The following CDH9 variants were observed in gnomAD, a reference collection of about 807,000 sequenced individuals.
CDH9 encodes the protein cadherin-9.
CDH9 carries 28 observed loss-of-function variants against 70.9 expected under a neutral mutation model. That is an observed-to-expected ratio of 0.40 (90% CI 0.29 to 0.54). CDH9 has a LOEUF of 0.54. CDH9 is among the 20% of genes least tolerant of loss of function. The probability of loss-of-function intolerance (pLI) is 0.59; values close to 1 mark genes in which losing one functional copy is unlikely to be tolerated. For missense variants in CDH9, 874 were observed against 984.4 expected (o/e 0.89, Z 1.50); for synonymous variants, 409 against 343.1 (o/e 1.19, Z -2.12).
At chr5:26,987,684 T>C (rs1336355579) in intron 2 of CDH9, among the ~76,000 whole-genome samples, 2 of 152,062 alleles carry the variant, frequency 1.3e-5, no homozygotes, top group East Asian at 3.9e-4. Flanking sequence ...CACTTTTGTC[T>C]AGATTACAAG....
intron 3 of CDH9, among the ~76,000 whole-genome samples, chr5:26,907,720 T>G (rs961702008): frequency 6.6e-6 from 1 of 152,158 alleles, no homozygotes; most frequent in Non-Finnish European, 1.5e-5. Flanking sequence ...AGCATGGTTC[T>G]GACATCACCC....
intron 2 of CDH9, among the ~76,000 whole-genome samples, chr5:26,957,218 A>T (rs1264667641): frequency 6.6e-6 from 1 of 152,134 alleles, no homozygotes; most frequent in Non-Finnish European, 1.5e-5. Context: ...ATACTAAAGG[A>T]AATAAAAGAC....
intron 7 of CDH9, among the ~76,000 whole-genome samples, chr5:26,891,671 C>G (rs1007802442): frequency 7.9e-6 from 1 of 126,226 alleles, no homozygotes; most frequent in Non-Finnish European, 1.6e-5. Context: ...GAGTGAGACT[C>G]CATCTCAAAA....
intron 3 of CDH9, among the ~76,000 whole-genome samples, chr5:26,911,423 G>T (rs1329832432): frequency 6.6e-6 from 1 of 152,064 alleles, no homozygotes; most frequent in African/African-American, 2.4e-5. Flanking sequence ...GGGACATGAA[G>T]AATTCATTGA....
At chr5:26,929,532 C>T (rs1741403746) in intron 2 of CDH9, among the ~76,000 whole-genome samples, 1 of 152,054 alleles carries the variant, frequency 6.6e-6, no homozygotes, top group South Asian at 2.1e-4. Context: ...GAAGAGACAT[C>T]TGCACTCTCA....
At chr5:26,901,951 T>G (rs1237033065) in intron 7 of CDH9, among the ~76,000 whole-genome samples, 1 of 151,946 alleles carries the variant, frequency 6.6e-6, no homozygotes, top group South Asian at 2.1e-4. Flanking sequence ...TTTTGATATG[T>G]GTTAGGCCCA....
At chr5:27,034,886 C>G (rs1444722678) in intron 1 of CDH9, among the ~76,000 whole-genome samples, 1 of 151,514 alleles carries the variant, frequency 6.6e-6, no homozygotes, top group Non-Finnish European at 1.5e-5. Context: ...CCTCACTGTA[C>G]ACTCCTTACC....
At chr5:26,938,186 C>G (rs1476574449) in intron 2 of CDH9, among the ~76,000 whole-genome samples, 1 of 149,156 alleles carries the variant, frequency 6.7e-6, no homozygotes, top group Non-Finnish European at 1.5e-5. Context: ...AACAAAAATG[C>G]ATAGTTACAA....
intron 1 of CDH9, among the ~76,000 whole-genome samples, chr5:27,035,782 C>A (rs147333664): frequency 2.7e-5 from 4 of 150,578 alleles, no homozygotes; most frequent in Admixed American, 1.3e-4. Context: ...TTTAAGATAT[C>A]TTTTTTCTAA....
At position 26,880,965 on chromosome 5, in the gene CDH9, G is replaced by A. The variant is rs1309761874; in HGVS notation, c.*171C>T. On this transcript the variant is annotated 3_prime_UTR_variant, in exon 12 of 12. Coordinates refer to ENST00000231021, the MANE Select transcript of CDH9 (RefSeq NM_016279.4). ...ACTTTTTTAAAAATCTGTATCATTCGTATTCATTCACAAAGACTTACTGAT... is the reference window on the plus strand; with the variant it reads ...ACTTTTTTAAAAATCTGTATCATTCATATTCATTCACAAAGACTTACTGAT... The A allele has an allele frequency of 3.7e-6, 2 of 534,286 alleles. No individual in the cohort carries two copies. Among genetic ancestry groups the A allele is most frequent in the East Asian group, 3.0e-5 (1 of 33,046 alleles). The allele number at this position is 534,286 out of a possible 1,614,324, so 33.1% of individuals were successfully genotyped here. A position where few individuals can be genotyped will look rare whatever the true frequency, so the allele number is the denominator to read the frequency against.
chr5:26,913,303 T>C (rs1272950926), intron 3 of CDH9, among the ~76,000 whole-genome samples: 1 of 152,130 alleles, frequency 6.6e-6, no homozygotes, highest in Non-Finnish European at 1.5e-5. Flanking sequence ...TACATTTATA[T>C]TTAGGTAATG....
rs902941050 is a variant in CDH9 at position 26,972,510 on chromosome 5, C to G, written c.228+15596G>C. Among the ~76,000 whole-genome samples the G allele has an allele frequency of 9.9e-5, 15 of 152,206 alleles. No homozygotes were observed. The East Asian group carries it at 1.4e-3, about 14-fold the overall frequency. On this transcript the variant is annotated intron_variant, in intron 2 of 11. Transcript: ENST00000231021. The stretch of plus-strand genomic sequence containing the variant: ...TGCCATTGGCCCTGTGGAACCCCCC[C>G]ACAAAAGAAAACTCAGCCAAAAAAG...
intron 7 of CDH9, among the ~76,000 whole-genome samples, chr5:26,899,078 C>A (rs879962325): frequency 6.6e-6 from 1 of 152,156 alleles, no homozygotes; most frequent in Non-Finnish European, 1.5e-5. Context: ...AAAAGCTCAT[C>A]ATCACTGGTG....
intron 2 of CDH9, among the ~76,000 whole-genome samples, chr5:26,965,780 G>A (rs1742119306): frequency 6.6e-6 from 1 of 151,798 alleles, no homozygotes; most frequent in Non-Finnish European, 1.5e-5. Context: ...AGATTACTTT[G>A]GTCCGTTTTT....
At chr5:27,020,598 GTTAA>G (rs1743121207) in intron 1 of CDH9, among the ~76,000 whole-genome samples, 2 of 151,340 alleles carry the variant, frequency 1.3e-5, no homozygotes, top group African/African-American at 4.8e-5. Context: ...GCATATTATT[GTTAA>G]TTATATATTT....
intron 7 of CDH9, among the ~76,000 whole-genome samples, chr5:26,899,372 T>C (rs776978682): frequency 6.6e-6 from 1 of 152,192 alleles, no homozygotes. Context: ...CATGCACACT[T>C]ATGTTTATTG....
chr5:26,946,464 A>T (rs1741755431), intron 2 of CDH9, among the ~76,000 whole-genome samples: 1 of 152,034 alleles, frequency 6.6e-6, no homozygotes, highest in Non-Finnish European at 1.5e-5. Context: ...GAAGAAAAAA[A>T]AGGAGAGGAT....
chr5:26,963,193 C>G (rs887215088), intron 2 of CDH9, among the ~76,000 whole-genome samples: 1 of 151,934 alleles, frequency 6.6e-6, no homozygotes, highest in Admixed American at 6.6e-5. Context: ...AGACCTTTGC[C>G]CTTTTAGAGA....
intron 2 of CDH9, among the ~76,000 whole-genome samples, chr5:26,926,339 A>G (rs577058405): frequency 6.6e-6 from 1 of 152,216 alleles, no homozygotes; most frequent in South Asian, 2.1e-4. Flanking sequence ...CTCCCATTCA[A>G]AATTGCTACA....
Sources: gnomAD v4.1 joint callset for allele counts (sites outside exome capture counted in the v4.1 genomes callset) on GRCh38, gnomAD v4.1.1 for gene constraint, MANE v1.5 for transcripts, NCBI Gene and HGNC (gene_info 2026-07-23, HGNC 2026-07-21) for gene names.